The following VSTM2L variants were observed in gnomAD, a reference collection of about 807,000 sequenced individuals.
VSTM2L encodes the protein V-set and transmembrane domain-containing protein 2-like protein.
Under a neutral mutation model 19.9 loss-of-function variants are expected in VSTM2L, and 9 were observed. The observed-to-expected ratio is 0.45, with a 90% CI of 0.27 to 0.79. VSTM2L has a LOEUF of 0.79. Ranked by LOEUF, VSTM2L falls within the 30% of genes least tolerant of loss-of-function variation. The pLI, the probability that VSTM2L is intolerant of heterozygous loss-of-function variation, is 0.15. For missense variants in VSTM2L, 286 were observed against 295.5 expected (o/e 0.97, Z 0.24); for synonymous variants, 127 against 133.8 (o/e 0.95, Z 0.35).
At chr20:37,933,660 G>A in intron 3 of VSTM2L, 71 bp downstream of exon 3, 1 of 1,510,314 alleles carries the variant, frequency 6.6e-7, no homozygotes, top group Non-Finnish European at 9.2e-7. Flanking sequence ...AAAAAATTGG[G>A]GTCCAGTTCA....
intron 1 of VSTM2L, among the ~76,000 whole-genome samples, chr20:37,913,710 G>A (rs2072793429): frequency 6.6e-6 from 1 of 152,200 alleles, no homozygotes; most frequent in Admixed American, 6.5e-5. Context: ...GGGCTGAGAG[G>A]GGACTCCAGA....
At chr20:37,939,921 G>A (rs2072962215) in intron 3 of VSTM2L, among the ~76,000 whole-genome samples, 1 of 152,128 alleles carries the variant, frequency 6.6e-6, no homozygotes, top group South Asian at 2.1e-4. Context: ...TCGTGTTCCT[G>A]AAGGCCACAT....
intron 1 of VSTM2L, among the ~76,000 whole-genome samples, chr20:37,919,295 C>G (rs1186402484): frequency 6.6e-6 from 1 of 152,176 alleles, no homozygotes; most frequent in Non-Finnish European, 1.5e-5. Flanking sequence ...TTTGCCTGTC[C>G]CAAGGTGAAG....
intron 3 of VSTM2L, among the ~76,000 whole-genome samples, chr20:37,937,012 G>A (rs1230701673): frequency 6.6e-6 from 1 of 152,120 alleles, no homozygotes; most frequent in Non-Finnish European, 1.5e-5. Flanking sequence ...TCCGAGGTCA[G>A]GAGTTCGTGA....
chr20:37,931,910 G>A (rs767863978), intron 2 of VSTM2L, 106 bp downstream of exon 2: 22 of 1,296,490 alleles, frequency 1.7e-5, no homozygotes, highest in Middle Eastern at 2.7e-4. Context: ...GGGCTCCAAC[G>A]CTGTTCTCCA....
At chr20:37,933,109 G>A (rs1357358392) in intron 2 of VSTM2L, among the ~76,000 whole-genome samples, 1 of 152,212 alleles carries the variant, frequency 6.6e-6, no homozygotes, top group Non-Finnish European at 1.5e-5. Flanking sequence ...GGGAATGTGG[G>A]CAGGGTTCCC....
chr20:37,931,557 C>T, intron 1 of VSTM2L, 78 bp from the exon 2 acceptor site: 3 of 1,517,166 alleles, frequency 2.0e-6, no homozygotes, highest in South Asian at 2.5e-5. Context: ...CCAGCTGTTC[C>T]TACGTTCTCC....
intron 1 of VSTM2L, among the ~76,000 whole-genome samples, chr20:37,927,713 G>T (rs534453450): frequency 1.3e-5 from 2 of 152,178 alleles, no homozygotes; most frequent in Non-Finnish European, 2.9e-5. Context: ...GGGGCGGGGG[G>T]GCCGTGGGCA....
intron 3 of VSTM2L, among the ~76,000 whole-genome samples, chr20:37,936,288 C>A (rs1297694448): frequency 6.6e-6 from 1 of 152,188 alleles, no homozygotes; most frequent in Non-Finnish European, 1.5e-5. Context: ...AACCCAGACC[C>A]TGTGTCTACA....
Position 37,903,362 on chromosome 20 carries a change from G to A in VSTM2L, c.12G>A (p.Pro4=). Residue 4 remains proline (P), a synonymous_variant, in exon 1 of 4, where the codon CCG becomes CCA. Coordinates refer to ENST00000373461, the MANE Select transcript of VSTM2L (RefSeq NM_080607.3). ...CCCGAGAGCGCACGATGGGGGCCCCGCTCGCCGTAGCGCTGGGCGCCCTCC... is the reference window on the plus strand; with the variant it reads ...CCCGAGAGCGCACGATGGGGGCCCCACTCGCCGTAGCGCTGGGCGCCCTCC... MGA[P]LAVALGALHY... The A allele has an allele frequency of 6.8e-7, 1 of 1,470,162 alleles. No individual in the cohort carries two copies. The allele number at this position is 1,470,162 out of a possible 1,614,324, so 91.1% of individuals were successfully genotyped here. A position where few individuals can be genotyped will look rare whatever the true frequency, so the allele number is the denominator to read the frequency against.
At chr20:37,909,840 T>C (rs1368469467) in intron 1 of VSTM2L, among the ~76,000 whole-genome samples, 1 of 152,146 alleles carries the variant, frequency 6.6e-6, no homozygotes, top group Non-Finnish European at 1.5e-5. Flanking sequence ...AGAAATCTGC[T>C]CCTCTCCTAG....
intron 1 of VSTM2L, among the ~76,000 whole-genome samples, chr20:37,914,378 G>A (rs376802480): frequency 4.7e-5 from 7 of 150,322 alleles, no homozygotes; most frequent in Non-Finnish European, 8.9e-5. Flanking sequence ...ATGTGTGTGG[G>A]TGTATGTGTG....
intron 1 of VSTM2L, 107 bp from the exon 2 acceptor site, chr20:37,931,528 C>CA: frequency 2.5e-5 from 32 of 1,259,818 alleles, no homozygotes; most frequent in East Asian, 4.8e-5. Context: ...CCCCTCCACC[C>CA]ATCCCCCGCC....
rs778500544 is a variant in VSTM2L, at chr20:37,931,649, A to G, written c.136A>G (p.Thr46Ala). 1.9e-6 allele frequency: 3 copies of G among 1,612,814 alleles called. No individual in the cohort carries two copies. The highest frequency in any genetic ancestry group is 1.7e-4 in the Middle Eastern group (1 of 6,056). Residue 46 changes from threonine to alanine, a missense_variant, in exon 2 of 4, where the codon ACA (threonine) becomes GCA (alanine). Physicochemically the swap from Thr to Ala is moderately conservative, Grantham distance 58. Transcript: ENST00000373461. ...HVSGHALFTE[T>A]PHDMTARTGE... ...TTCTTGCACAGCCCTGTTCACAGAG[A>G]CACCCCATGACATGACAGCACGGAC... is the stretch of plus-strand genomic sequence containing the variant.
In VSTM2L at chr20:37,944,190, G is replaced by GC. The variant is rs779835714; in HGVS notation, c.558dup (p.Lys187GlnfsTer21). 5.8e-6 allele frequency: 6 copies of GC among 1,030,924 alleles called. No individual in the cohort carries two copies. The highest frequency in any genetic ancestry group is 7.5e-6 in the Non-Finnish European group (6 of 795,228). 63.9% of individuals were successfully genotyped at this position (1,030,924 alleles called of 1,614,324 possible). ...CCCCTCCCGCCGCGCCCGCCCCGCC[G>GC]CCCCCCAAGCCAGGCAAGGAGCTGA... On this transcript the variant is annotated frameshift_variant, in exon 4 of 4. Coordinates refer to ENST00000373461, the MANE Select transcript of VSTM2L (RefSeq NM_080607.3). LOFTEE classifies it high-confidence loss of function.
intron 3 of VSTM2L, among the ~76,000 whole-genome samples, chr20:37,938,453 G>A (rs1476457322): frequency 1.3e-5 from 2 of 152,170 alleles, no homozygotes; most frequent in East Asian, 3.9e-4. Context: ...ACCTTCCCTG[G>A]GGCCTCCACC....
chr20:37,931,603 C>T lies in VSTM2L; in HGVS notation c.122-32C>T, dbSNP rs750410507. On this transcript the variant is annotated intron_variant, in intron 1 of 3. Coordinates refer to ENST00000373461, the MANE Select transcript of VSTM2L (RefSeq NM_080607.3). Reference sequence around the variant, plus strand: ...CCCACTAGCCCCGTGGTTTCCTGAGCCCCGCCATTCTTCCCCCTGTTTCTT... The same window carrying T: ...CCCACTAGCCCCGTGGTTTCCTGAGTCCCGCCATTCTTCCCCCTGTTTCTT... 20 of 1,592,646 alleles carry T rather than the reference C, an allele frequency of 1.3e-5. No homozygotes were observed. The African/African-American group carries it at 2.0e-4, about 16-fold the overall frequency.
chr20:37,911,999 C>T (rs960163713), intron 1 of VSTM2L, among the ~76,000 whole-genome samples: 1 of 152,202 alleles, frequency 6.6e-6, no homozygotes, highest in Non-Finnish European at 1.5e-5. Flanking sequence ...CAGGCATCTG[C>T]GGACCAAACA....
chr20:37,904,947 G>A (rs2072743467), intron 1 of VSTM2L, among the ~76,000 whole-genome samples: 2 of 152,084 alleles, frequency 1.3e-5, no homozygotes, highest in South Asian at 2.1e-4. Flanking sequence ...CTACCGACCT[G>A]GCTAGAGCGG....
Sources: gnomAD v4.1 joint callset for allele counts (sites outside exome capture counted in the v4.1 genomes callset) on GRCh38, gnomAD v4.1.1 for gene constraint, MANE v1.5 for transcripts, NCBI Gene and HGNC (gene_info 2026-07-23, HGNC 2026-07-21) for gene names.